Variants in DGKK observed in about 807,000 individuals in gnomAD.
DGKK encodes the protein 142 kDa diacylglycerol kinase.
In DGKK, 35 loss-of-function variants were observed where a neutral mutation model predicts 92.2. The ratio of observed to expected loss-of-function variants is 0.38; its 90% CI spans 0.29 to 0.50. The LOEUF is 0.50. Among genes scored for constraint, DGKK ranks in the 20% least tolerant of loss-of-function variants. The pLI is 0.92. For missense variants in DGKK, 910 were observed against 992.2 expected (o/e 0.92, Z 1.11); for synonymous variants, 368 against 360.6 (o/e 1.02, Z -0.23).
intron 16 of DGKK, among the ~76,000 whole-genome samples, 154 bp downstream of exon 16, chrX:50,384,566 G>A (rs1030306911): frequency 2.7e-5 from 3 of 111,655 alleles, no homozygotes; most frequent in Admixed American, 9.5e-5. Flanking sequence ...ATTGGCATGG[G>A]ATCTTATAGT....
At chrX:50,450,041 A>C (rs1197449475) in intron 1 of DGKK, among the ~76,000 whole-genome samples, 1 of 111,613 alleles carries the variant, frequency 9.0e-6, no homozygotes, top group African/African-American at 3.3e-5. Context: ...AATTGTGGTC[A>C]CTATCTTCCA....
chrX:50,428,473 T>A (rs1333675622), intron 1 of DGKK, among the ~76,000 whole-genome samples: 1 of 111,611 alleles, frequency 9.0e-6, no homozygotes. Context: ...TCTAAAATTG[T>A]TTAGTGAGAT....
intron 22 of DGKK, 31 bp downstream of exon 22, chrX:50,378,067 T>C (rs782677094): frequency 6.8e-5 from 81 of 1,196,186 alleles, no homozygotes; most frequent in Non-Finnish European, 8.8e-5. Flanking sequence ...TGAGGCAGTA[T>C]AGGAGCCCAA....
At chrX:50,425,218 A>C (rs1431930945) in intron 1 of DGKK, among the ~76,000 whole-genome samples, 1 of 111,819 alleles carries the variant, frequency 8.9e-6, no homozygotes, top group African/African-American at 3.2e-5. Context: ...TCTATCATCT[A>C]AATTAGCATT....
chrX:50,409,194 G>A (rs1925245548), intron 4 of DGKK, among the ~76,000 whole-genome samples: 1 of 110,904 alleles, frequency 9.0e-6, no homozygotes, highest in African/African-American at 3.3e-5. Context: ...ACCATGTGAA[G>A]ATACAGAGGG....
At chrX:50,441,628 T>C (rs1407660244) in intron 1 of DGKK, among the ~76,000 whole-genome samples, 2 of 111,731 alleles carry the variant, frequency 1.8e-5, no homozygotes, top group East Asian at 5.6e-4. Context: ...CCCACAAAGG[T>C]AATTGAGGAA....
chrX:50,453,352 C>T (rs1206836250), intron 1 of DGKK, among the ~76,000 whole-genome samples: 2 of 111,320 alleles, frequency 1.8e-5, no homozygotes, highest in African/African-American at 6.5e-5. Flanking sequence ...TCGCTAATTA[C>T]AGAGGATTGG....
At chrX:50,395,917 T>C (rs1195376845) in intron 8 of DGKK, among the ~76,000 whole-genome samples, 1 of 111,241 alleles carries the variant, frequency 9.0e-6, no homozygotes, top group East Asian at 2.8e-4. Flanking sequence ...AATTTGACAG[T>C]ATCTATGAAA....
intron 12 of DGKK, among the ~76,000 whole-genome samples, chrX:50,390,001 T>C (rs782131645): frequency 3.2e-4 from 36 of 112,060 alleles, no homozygotes; most frequent in African/African-American, 8.7e-4. Context: ...TCATACTACT[T>C]GATTAAAACA....
intron 1 of DGKK, among the ~76,000 whole-genome samples, chrX:50,442,873 T>A (rs1282443509): frequency 9.1e-6 from 1 of 110,220 alleles, no homozygotes; most frequent in Non-Finnish European, 1.9e-5. Flanking sequence ...CAATTCCTTA[T>A]GGTTACAAGA....
At chrX:50,394,854 T>C (rs1034110040) in intron 8 of DGKK, among the ~76,000 whole-genome samples, 1 of 111,873 alleles carries the variant, frequency 8.9e-6, no homozygotes, top group Non-Finnish European at 1.9e-5. Flanking sequence ...GGATGGCTTC[T>C]TTCAGGAGGT....
intron 1 of DGKK, among the ~76,000 whole-genome samples, chrX:50,445,121 CTTTTTTTTT>C (rs57163220): frequency 3.0e-5 from 2 of 67,489 alleles, no homozygotes; most frequent in Non-Finnish European, 5.4e-5. Context: ...CCTTTGCCCA[CTTTTTTTTT>C]TTTTTTTTTT....
rs5961180 is a variant in DGKK at position 50,386,581 on chromosome X, G to A, written c.2124C>T (p.Asp708=). Residue 708 remains aspartate, a synonymous_variant, in exon 15 of 28, where the codon GAC becomes GAT. Coordinates refer to ENST00000611977, the MANE Select transcript of DGKK (RefSeq NM_001013742.4). The part of the protein sequence containing the change: ...TAIVSVILKS[D]LMYDRLSVLI... The stretch of plus-strand genomic sequence containing the variant: ...GGACACTGAGCCTATCATACATTAA[G>A]TCACTCTATATAGAAAGGAAGGAGA... 5.4e-3 allele frequency: 6,540 copies of A among 1,204,126 alleles called. 75 individuals are homozygous for A. The highest frequency in any genetic ancestry group is 0.053 in the African/African-American group (3,025 of 56,929).
rs371225747 is a variant in DGKK, at chrX:50,422,419, C to T, written c.837+27G>A. 3.5e-6 allele frequency: 4 copies of T among 1,142,394 alleles called. No individual in the cohort carries two copies. In the African/African-American group the frequency reaches 7.2e-5, roughly 21 times the overall value. 94.1% of individuals were successfully genotyped at this position (1,142,394 alleles called of 1,213,427 possible). A position where few individuals can be genotyped will look rare whatever the true frequency, so the allele number is the denominator to read the frequency against. ...TTCCCAGCTAGCCCCTACCCCTGCC[C>T]ATTCAGTCATTCCCAATCTTACTTA... On this transcript the variant is annotated intron_variant, in intron 3 of 27. Coordinates refer to ENST00000611977, the MANE Select transcript of DGKK (RefSeq NM_001013742.4).
At chrX:50,420,031 A>G (rs151174548) in intron 4 of DGKK, among the ~76,000 whole-genome samples, 208 of 111,676 alleles carry the variant, frequency 1.9e-3, no homozygotes, top group Middle Eastern at 4.6e-3. Flanking sequence ...TCTGAGTCTC[A>G]GTTTCCTTAG....
At chrX:50,411,443 A>T (rs1344588427) in intron 4 of DGKK, among the ~76,000 whole-genome samples, 2 of 112,473 alleles carry the variant, frequency 1.8e-5, no homozygotes, top group African/African-American at 6.5e-5. Context: ...CACCATATCA[A>T]CAAACGAAGA....
chrX:50,460,619 A>G lies in DGKK; in HGVS notation c.645+9415T>C, dbSNP rs1326960311. Among the ~76,000 whole-genome samples, 3 of 111,781 alleles carry G rather than the reference A, an allele frequency of 2.7e-5. No homozygotes were observed. The East Asian group carries it at 8.5e-4, about 32-fold the overall frequency. Reference sequence around the variant, plus strand: ...ATGCTTTGGAAGATGAAAATCTCTGAAGTGCTACTGACCAGGCTGAAGATT... The same window carrying G: ...ATGCTTTGGAAGATGAAAATCTCTGGAGTGCTACTGACCAGGCTGAAGATT... On this transcript the variant is annotated intron_variant, in intron 1 of 27. Transcript: ENST00000611977.
rs781809441 is a variant in DGKK at position 50,370,502 on chromosome X, C to T, written c.3660G>A (p.Lys1220=). 4 of 1,194,341 alleles carry T rather than the reference C, an allele frequency of 3.3e-6. No individual in the cohort carries two copies. The highest frequency in any genetic ancestry group is 1.8e-5 in the African/African-American group (1 of 56,934). ...TDSRSLRLKI[K]FPKLGKKKVE... ...CCTTTTTCTTTCCCAATTTGGGGAA[C>T]TTAATTTTCAGCCTGAGGCTTCTAC... The change falls in exon 27 of 28, where the codon AAG becomes AAA. Residue 1220 remains lysine, a synonymous_variant. Coordinates refer to ENST00000611977, the MANE Select transcript of DGKK (RefSeq NM_001013742.4).
At chrX:50,457,423 G>A (rs1001222280) in intron 1 of DGKK, among the ~76,000 whole-genome samples, 23 of 111,579 alleles carry the variant, frequency 2.1e-4, no homozygotes, top group African/African-American at 6.8e-4. Flanking sequence ...AATTAATAAT[G>A]TAATTAGGGT....
Sources: gnomAD v4.1 joint callset for allele counts (sites outside exome capture counted in the v4.1 genomes callset) on GRCh38, gnomAD v4.1.1 for gene constraint, MANE v1.5 for transcripts, NCBI Gene and HGNC (gene_info 2026-07-23, HGNC 2026-07-21) for gene names.